The following EPB41L4A variants were observed in gnomAD, a reference collection of about 807,000 sequenced individuals.
EPB41L4A encodes erythrocyte membrane protein band 4.1 like 4A.
Under a neutral mutation model 108.6 loss-of-function variants are expected in EPB41L4A, and 100 were observed. That is an observed-to-expected ratio of 0.92 (90% CI 0.78 to 1.09). The LOEUF is 1.09. Ranked by LOEUF, EPB41L4A falls within the 50% of genes least tolerant of loss-of-function variation. The pLI, the probability that EPB41L4A is intolerant of heterozygous loss-of-function variation, is 0.00. For synonymous variants in EPB41L4A, 319 were observed against 289.0 expected (o/e 1.10, Z -1.05); for missense variants, 1,030 against 842.7 (o/e 1.22, Z -2.75).
Position 112,280,344 on chromosome 5 carries a change from C to T in EPB41L4A, c.205-21G>A, listed in dbSNP as rs563000123. On this transcript the variant is annotated intron_variant, in intron 2 of 22. Coordinates refer to ENST00000261486, the MANE Select transcript of EPB41L4A (RefSeq NM_022140.5). ...CAATACTGTGTGAGGAAGAAAAGGA[C>T]AATTAAAGAAATTAGTTGCTTTTCA... 53 of 1,610,384 alleles carry T rather than the reference C, an allele frequency of 3.3e-5. No individual in the cohort carries two copies. In the South Asian group the frequency reaches 4.8e-4, roughly 15 times the overall value.
chr5:112,363,128 A>T (rs1389953358), intron 1 of EPB41L4A, among the ~76,000 whole-genome samples: 1 of 152,178 alleles, frequency 6.6e-6, no homozygotes, highest in East Asian at 1.9e-4. Context: ...GTCAGAGCCC[A>T]GTGTGAGTGG....
chr5:112,260,961 G>T (rs1300993388), intron 7 of EPB41L4A, among the ~76,000 whole-genome samples: 1 of 152,170 alleles, frequency 6.6e-6, no homozygotes, highest in Non-Finnish European at 1.5e-5. Context: ...ACCATCAACA[G>T]AAGGTGATTT....
chr5:112,316,998 T>G (rs1452206491), intron 1 of EPB41L4A, among the ~76,000 whole-genome samples: 2 of 152,208 alleles, frequency 1.3e-5, no homozygotes, highest in African/African-American at 4.8e-5. Flanking sequence ...GGCCCAGATC[T>G]GGCACAGCAT....
chr5:112,252,809 A>AC, intron 9 of EPB41L4A, among the ~76,000 whole-genome samples: 1 of 152,232 alleles, frequency 6.6e-6, no homozygotes, highest in East Asian at 1.9e-4. Context: ...CCATGTAACA[A>AC]ACCTGCACAT....
At chr5:112,160,326 C>G (rs1423458739), downstream of EPB41L4A, among the ~76,000 whole-genome samples, 2 of 152,264 alleles carry the variant, frequency 1.3e-5, no homozygotes, top group East Asian at 3.9e-4. Context: ...CCTCCTGGCA[C>G]TTACATTGTA....
downstream of EPB41L4A, chr5:112,161,250 T>C: frequency 1.3e-5 from 4 of 310,264 alleles, no homozygotes; most frequent in Middle Eastern, 5.7e-4. Flanking sequence ...TGGTTACAGC[T>C]GTTTCCACGT....
intron 1 of EPB41L4A, among the ~76,000 whole-genome samples, chr5:112,327,562 A>T (rs1756255845): frequency 6.6e-6 from 1 of 152,100 alleles, no homozygotes; most frequent in African/African-American, 2.4e-5. Context: ...CAAAAAATTT[A>T]AAAATTAGCC....
chr5:112,222,942 G>T (rs1362373990), intron 12 of EPB41L4A, among the ~76,000 whole-genome samples: 1 of 140,202 alleles, frequency 7.1e-6, no homozygotes, highest in Non-Finnish European at 1.5e-5. Context: ...AGTGAAACTA[G>T]TTTTTTTTTT....
At chr5:112,396,884 A>G (rs1473309917) in intron 1 of EPB41L4A, among the ~76,000 whole-genome samples, 1 of 152,254 alleles carries the variant, frequency 6.6e-6, no homozygotes, top group Non-Finnish European at 1.5e-5. Flanking sequence ...TATACTTTTA[A>G]GCTGCAATGA....
chr5:112,393,423 C>T (rs1761092103), intron 1 of EPB41L4A, among the ~76,000 whole-genome samples: 1 of 152,124 alleles, frequency 6.6e-6, no homozygotes, highest in African/African-American at 2.4e-5. Context: ...CCACCGATCC[C>T]ATAGAAATAC....
intron 9 of EPB41L4A, among the ~76,000 whole-genome samples, chr5:112,256,356 C>T (rs563309183): frequency 4.6e-5 from 7 of 152,114 alleles, no homozygotes; most frequent in East Asian, 1.9e-4. Context: ...TCTAGAAGTT[C>T]GGACTAATAC....
chr5:112,200,980 T>C (rs1762191922), intron 15 of EPB41L4A, among the ~76,000 whole-genome samples: 1 of 152,056 alleles, frequency 6.6e-6, no homozygotes, highest in Admixed American at 6.5e-5. Context: ...ATTATTAAAT[T>C]TAAGTCCTTG....
At chr5:112,147,421 C>G (rs572722098) in intron 12 of EPB41L4A, among the ~76,000 whole-genome samples, 1 of 151,900 alleles carries the variant, frequency 6.6e-6, no homozygotes, top group Admixed American at 6.5e-5. Context: ...AGGCGGATCA[C>G]CTGAGGTCAG....
At chr5:112,333,958 C>G (rs1185915915) in intron 1 of EPB41L4A, among the ~76,000 whole-genome samples, 1 of 152,134 alleles carries the variant, frequency 6.6e-6, no homozygotes, top group African/African-American at 2.4e-5. Flanking sequence ...GTTTCCCAAA[C>G]TGATGGAATG....
intron 3 of EPB41L4A, among the ~76,000 whole-genome samples, chr5:112,276,664 C>T (rs555045606): frequency 7.2e-5 from 11 of 152,246 alleles, no homozygotes; most frequent in East Asian, 5.8e-4. Flanking sequence ...ACCCCAGTCT[C>T]GCTATTCTTA....
intron 1 of EPB41L4A, among the ~76,000 whole-genome samples, chr5:112,412,058 C>A (rs1460660918): frequency 2.0e-5 from 3 of 152,192 alleles, no homozygotes; most frequent in African/African-American, 7.2e-5. Flanking sequence ...TGCGCTTTCC[C>A]GAGGGCTCAG....
chr5:112,322,628 G>A (rs1755870662), intron 1 of EPB41L4A, among the ~76,000 whole-genome samples: 1 of 151,954 alleles, frequency 6.6e-6, no homozygotes, highest in Admixed American at 6.6e-5. Flanking sequence ...AACTGCTCTT[G>A]AGAACCAAGC....
chr5:112,348,057 C>T (rs942681967), intron 1 of EPB41L4A, among the ~76,000 whole-genome samples: 3 of 152,232 alleles, frequency 2.0e-5, no homozygotes, highest in African/African-American at 4.8e-5. Flanking sequence ...TTATCTCCAA[C>T]CTGCCTCCAC....
At chr5:112,200,720 C>A (rs867322690) in intron 15 of EPB41L4A, among the ~76,000 whole-genome samples, 5 of 152,082 alleles carry the variant, frequency 3.3e-5, no homozygotes, top group African/African-American at 1.2e-4. Flanking sequence ...TTCAGGGTCT[C>A]CATAAATTTT....
Sources: allele counts gnomAD v4.1 joint callset (sites outside exome capture counted in the v4.1 genomes callset), GRCh38; gene constraint gnomAD v4.1.1; transcripts MANE v1.5; gene names NCBI Gene and HGNC (gene_info 2026-07-23, HGNC 2026-07-21).